KANSL3: variants seen among roughly 807,000 people sequenced by gnomAD.
The protein encoded by KANSL3 is KAT8 regulatory NSL complex subunit 3.
A neutral mutation model predicts 89.2 loss-of-function variants in KANSL3; 16 were observed. That is an observed-to-expected ratio of 0.18 (90% CI 0.12 to 0.27). KANSL3 has a LOEUF of 0.27. Ranked by LOEUF, KANSL3 falls within the 10% of genes least tolerant of loss-of-function variation. The pLI is 1.00. For missense variants in KANSL3, 879 were observed against 1,110.6 expected, an observed-to-expected ratio of 0.79 and a Z score of 2.96; for synonymous variants, 385 against 419.7, an observed-to-expected ratio of 0.92 and a Z score of 1.01.
At chr2:96,606,987 G>C in intron 14 of KANSL3, 1 of 1,289,364 alleles carries the variant, frequency 7.8e-7, no homozygotes, top group South Asian at 1.2e-5. Context: ...ACAGGAGGAG[G>C]TGCCAGGAGG....
rs771362484 is a variant in KANSL3, at chr2:96,604,768, TA to T, written c.2018+10del. On this transcript the variant is annotated intron_variant, in intron 16 of 20. Transcript: ENST00000431828. ...AAAGGAATAGACACAGATGGTCCAA[TA>T]AACACTCACTTGGCTGTGGTGAGAA... 1.3e-6 allele frequency: 2 copies of T among 1,582,604 alleles called. No individual in the cohort carries two copies. The highest frequency in any genetic ancestry group is 4.6e-5 in the East Asian group (2 of 43,614).
the KANSL3 span, among the ~76,000 whole-genome samples, chr2:96,586,267 G>C: frequency 6.6e-6 from 1 of 151,304 alleles, no homozygotes; most frequent in South Asian, 2.1e-4. Context: ...TGAGGACTTC[G>C]GGGTAAGGGT....
intron 3 of KANSL3, among the ~76,000 whole-genome samples, chr2:96,624,030 T>C (rs908252612): frequency 6.6e-6 from 1 of 152,232 alleles, no homozygotes; most frequent in Non-Finnish European, 1.5e-5. Flanking sequence ...CTAGTTATCT[T>C]GGCTTAATCT....
rs2068422988 is a variant in KANSL3, at chr2:96,608,931, A to G, written c.1517T>C (p.Val506Ala). ...GGCAGGTCGACTGCCCCGCTCAGGG[A>G]CTTCAAAGGCCAAGTCTCTGCGGGC... The part of the protein sequence containing the change: ...DVARRDLAFE[V>A]PERGSRPASP... Residue 506 changes from valine (V) to alanine (A), a missense_variant, in exon 13 of 21, where the codon GTC (valine) becomes GCC (alanine). Val to Ala is a moderately conservative substitution (Grantham distance 64). Around this residue, in one of 6 missense-constraint regions of KANSL3, gnomAD observed 317 missense variants for 311.2 expected, o/e 1.02. Transcript: ENST00000431828. The G allele has an allele frequency of 1.3e-6, 2 of 1,569,732 alleles. No individual in the cohort carries two copies. Among genetic ancestry groups the G allele is most frequent in the African/African-American group, 1.4e-5 (1 of 73,922 alleles).
chr2:96,624,278 G>A (rs895973586), intron 3 of KANSL3, among the ~76,000 whole-genome samples: 10 of 152,270 alleles, frequency 6.6e-5, no homozygotes, highest in Non-Finnish European at 8.8e-5. Flanking sequence ...TGATTCTCAG[G>A]TGGGCTTGAG....
intron 17 of KANSL3, 120 bp downstream of exon 17, chr2:96,604,130 C>T: frequency 8.4e-7 from 1 of 1,190,286 alleles, no homozygotes; most frequent in Non-Finnish European, 1.1e-6. Flanking sequence ...TCTATGATCA[C>T]TCTAAGACCC....
intron 11 of KANSL3, 189 bp downstream of exon 11, chr2:96,610,537 A>C (rs763293768): frequency 2.1e-5 from 11 of 517,266 alleles, no homozygotes; most frequent in Admixed American, 9.7e-5. Flanking sequence ...GGATGGTCTC[A>C]ATCTCCTGAC....
chr2:96,609,022 C>T lies in KANSL3; in HGVS notation c.1426G>A (p.Glu476Lys). Reference protein sequence around the residue: ...DFLTGVLTRAEGHMGSEPRDQ... With the variant: ...DFLTGVLTRAKGHMGSEPRDQ... The stretch of plus-strand genomic sequence containing the variant: ...CGAGGTTCAGAGCCCATGTGACCCT[C>T]AGCACGAGTGAGCACTCCAGTCAGA... The change falls in exon 13 of 21, where the codon GAG (glutamate) becomes AAG (lysine). Residue 476 changes from glutamate (E) to lysine (K), a missense_variant. Transcript: ENST00000431828. The T allele has an allele frequency of 1.3e-6, 2 of 1,565,814 alleles. No individual in the cohort carries two copies. The highest frequency in any genetic ancestry group is 1.7e-6 in the Non-Finnish European group (2 of 1,154,922).
At chr2:96,607,764 G>A (rs902292130) in intron 14 of KANSL3, among the ~76,000 whole-genome samples, 6 of 152,080 alleles carry the variant, frequency 3.9e-5, no homozygotes, top group African/African-American at 1.2e-4. Context: ...TCCCCTCCAC[G>A]TCTGTCTGCC....
intron 5 of KANSL3, 133 bp downstream of exon 5, chr2:96,619,226 T>G (rs748986668): frequency 2.8e-6 from 2 of 725,584 alleles, no homozygotes; most frequent in Admixed American, 6.0e-5. Context: ...CTCCCAATTT[T>G]AGTACCAAAC....
At chr2:96,628,832 G>C (rs1409173081) in intron 3 of KANSL3, among the ~76,000 whole-genome samples, 6 of 151,594 alleles carry the variant, frequency 4.0e-5, no homozygotes, top group Non-Finnish European at 7.4e-5. Context: ...GGACAAGGTA[G>C]TAGAAAATAC....
At chr2:96,624,991 A>G (rs1285136150) in intron 3 of KANSL3, among the ~76,000 whole-genome samples, 2 of 152,092 alleles carry the variant, frequency 1.3e-5, no homozygotes, top group African/African-American at 4.8e-5. Context: ...GGATCACCTG[A>G]GGTCAGAAAG....
intron 5 of KANSL3, among the ~76,000 whole-genome samples, chr2:96,617,763 C>T (rs1182554982): frequency 6.6e-6 from 1 of 151,560 alleles, no homozygotes; most frequent in African/African-American, 2.4e-5. Context: ...TTTGGGAGGC[C>T]GAGGCGGGCG....
chr2:96,630,534 G>A (rs1173492246), intron 3 of KANSL3, among the ~76,000 whole-genome samples: 1 of 152,216 alleles, frequency 6.6e-6, no homozygotes, highest in East Asian at 1.9e-4. Flanking sequence ...GGAGGAAACG[G>A]GAAGTAACTG....
the KANSL3 span, among the ~76,000 whole-genome samples, chr2:96,586,322 C>G: frequency 6.6e-6 from 1 of 151,988 alleles, no homozygotes; most frequent in African/African-American, 2.4e-5. Flanking sequence ...GTACACTGCT[C>G]AGATGCCAGG....
intron 20 of KANSL3, chr2:96,598,205 C>A: frequency 1.2e-6 from 1 of 812,254 alleles, no homozygotes; most frequent in Non-Finnish European, 1.5e-6. Flanking sequence ...TCTATCAACC[C>A]ATCAAGGAAC....
downstream of KANSL3, chr2:96,593,054 G>A (rs561779288): frequency 4.7e-4 from 140 of 296,028 alleles, 2 homozygotes; most frequent in Non-Finnish European, 6.7e-4. Context: ...TGGCATTGGT[G>A]AGGTGATGAT....
At chr2:96,613,968 A>C (rs1013531851) in intron 5 of KANSL3, among the ~76,000 whole-genome samples, 4 of 152,252 alleles carry the variant, frequency 2.6e-5, no homozygotes, top group African/African-American at 9.6e-5. Flanking sequence ...TTATGCACAG[A>C]GACAAATTAA....
chr2:96,617,854 C>T (rs2105750942), intron 5 of KANSL3, among the ~76,000 whole-genome samples: 1 of 151,736 alleles, frequency 6.6e-6, no homozygotes, highest in South Asian at 2.1e-4. Flanking sequence ...GGCGGGGTGG[C>T]ACACGCCTGT....
Sources: allele counts gnomAD v4.1 joint callset (sites outside exome capture counted in the v4.1 genomes callset), GRCh38; gene constraint gnomAD v4.1.1; regional missense constraint gnomAD v4.1.1; transcripts MANE v1.5; gene names NCBI Gene and HGNC (gene_info 2026-07-23, HGNC 2026-07-21).